KLB: variants seen among roughly 807,000 people sequenced by gnomAD.
KLB encodes the protein beta-klotho.
In KLB, 44 loss-of-function variants were observed where a neutral mutation model predicts 88.4. The observed-to-expected ratio is 0.50, with a 90% CI of 0.39 to 0.64. The LOEUF is 0.64. Ranked by LOEUF, KLB falls within the 30% of genes least tolerant of loss-of-function variation. KLB has a pLI of 0.00. For synonymous variants in KLB, 548 were observed against 513.4 expected (o/e 1.07, Z -0.91); for missense variants, 1,137 against 1,304.8 (o/e 0.87, Z 1.98).
At chr4:39,419,509 C>T (rs770332087) in intron 1 of KLB, among the ~76,000 whole-genome samples, 1 of 152,164 alleles carries the variant, frequency 6.6e-6, no homozygotes, top group Admixed American at 6.6e-5. Flanking sequence ...CACGGTGGCT[C>T]ACGCCTGTAA....
chr4:39,449,142 T>C lies in KLB; in HGVS notation c.*456T>C, dbSNP rs189298216. 6.9e-4 allele frequency: 106 copies of C among 153,544 alleles called. No individual in the cohort carries two copies. Among genetic ancestry groups the C allele is most frequent in the Non-Finnish European group, 4.5e-4 (31 of 68,974 alleles). 9.5% of individuals were successfully genotyped at this position (153,544 alleles called of 1,614,324 possible). Reference sequence around the variant, plus strand: ...GAGTTCGAGACCAGCCTGGCCAACATGGTGAAACCATGTCTCTACTAAAAA... The same window carrying C: ...GAGTTCGAGACCAGCCTGGCCAACACGGTGAAACCATGTCTCTACTAAAAA... On this transcript the variant is annotated 3_prime_UTR_variant, in exon 5 of 5. Transcript: ENST00000257408.
intron 1 of KLB, among the ~76,000 whole-genome samples, chr4:39,421,000 A>T (rs1743071524): frequency 6.6e-6 from 1 of 152,224 alleles, no homozygotes; most frequent in Non-Finnish European, 1.5e-5. Flanking sequence ...TGTACACATA[A>T]CATATACATA....
In KLB at chr4:39,447,026, T is replaced by C. The variant is rs566226497; in HGVS notation, c.2300T>C (p.Phe767Ser). 106 of 1,611,492 alleles carry C rather than the reference T, an allele frequency of 6.6e-5. 2 individuals are homozygous for C. In the South Asian group the frequency reaches 1.1e-3, roughly 17 times the overall value. Residue 767 changes from phenylalanine (F) to serine (S), a missense_variant, in exon 4 of 5, where the codon TTC becomes TCC. Phe to Ser is a radical substitution (Grantham distance 155). Transcript: ENST00000257408. ...HWRAAERFLQ[F>S]EIAWFAEPLF... ...AGGGCGGCCGAGCGCTTCCTGCAGT[T>C]CGAGATCGCCTGGTTCGCCGAGCCG...
intron 3 of KLB, among the ~76,000 whole-genome samples, chr4:39,444,638 C>T (rs547598489): frequency 2.6e-4 from 39 of 152,308 alleles, no homozygotes; most frequent in African/African-American, 9.1e-4. Context: ...AGGTTTTTAA[C>T]GTAAGACATT....
chr4:39,440,227 C>A (rs978919723), intron 3 of KLB, among the ~76,000 whole-genome samples: 2 of 151,688 alleles, frequency 1.3e-5, no homozygotes, highest in African/African-American at 4.8e-5. Flanking sequence ...TCACTGCAAC[C>A]TCTGCCTCCT....
intron 1 of KLB, among the ~76,000 whole-genome samples, chr4:39,430,915 GTT>G (rs76141581): frequency 1.3e-4 from 19 of 141,818 alleles, no homozygotes; most frequent in African/African-American, 4.2e-4. Flanking sequence ...CGGTTGGAAA[GTT>G]TTTTTTTTTT....
intron 1 of KLB, among the ~76,000 whole-genome samples, chr4:39,421,989 AC>A (rs952473537): frequency 6.6e-6 from 1 of 151,058 alleles, no homozygotes; most frequent in African/African-American, 2.4e-5. Flanking sequence ...CAAATGATCC[AC>A]CCCCTTCGGC....
intron 3 of KLB, among the ~76,000 whole-genome samples, chr4:39,440,329 G>C (rs1479706177): frequency 6.6e-6 from 1 of 151,270 alleles, no homozygotes; most frequent in East Asian, 2.0e-4. Context: ...ATTTTTAGTA[G>C]AGATGGGGTT....
Position 39,449,278 on chromosome 4 carries a change from G to C in KLB, c.*592G>C, listed in dbSNP as rs980376441. 1 of 143,600 alleles carries C rather than the reference G, an allele frequency of 7.0e-6. No individual in the cohort carries two copies. Among genetic ancestry groups the C allele is most frequent in the African/African-American group, 2.6e-5 (1 of 38,854 alleles). The allele number at this position is 143,600 out of a possible 1,614,324, so 8.9% of individuals were successfully genotyped here. ...ACAGGTTACAGTAGGCCAAAATTGC[G>C]CCACTGCACTCCAGCCTAGGCGACA... is the stretch of plus-strand genomic sequence containing the variant. On this transcript the variant is annotated 3_prime_UTR_variant, in exon 5 of 5. Transcript: ENST00000257408.
rs370815936 is a variant in KLB at position 39,451,224 on chromosome 4, G to C, written c.*2538G>C. On this transcript the variant is annotated 3_prime_UTR_variant, in exon 5 of 5. Coordinates refer to ENST00000257408, the MANE Select transcript of KLB (RefSeq NM_175737.4). ...GCAAATTAGGTTAAGCATTTAATCT[G>C]GCTCATGCTCTATCATACTAAATAT... is the stretch of plus-strand genomic sequence containing the variant. The C allele has an allele frequency of 2.5e-4, 38 of 152,250 alleles. No individual in the cohort carries two copies. Among genetic ancestry groups the C allele is most frequent in the African/African-American group, 8.2e-4 (34 of 41,540 alleles). 9.4% of individuals were successfully genotyped at this position (152,250 alleles called of 1,614,324 possible).
intron 1 of KLB, among the ~76,000 whole-genome samples, chr4:39,413,640 C>T (rs570340705): frequency 6.5e-4 from 99 of 151,946 alleles, no homozygotes; most frequent in African/African-American, 2.3e-3. Context: ...GGGAAGATCA[C>T]TTAAGCCCGG....
chr4:39,444,187 A>G (rs886927397), intron 3 of KLB, among the ~76,000 whole-genome samples: 2 of 152,178 alleles, frequency 1.3e-5, no homozygotes, highest in African/African-American at 4.8e-5. Flanking sequence ...CAAACAAAAC[A>G]TTCTTTCATG....
Position 39,434,510 on chromosome 4 carries a change from C to A in KLB, c.1126C>A (p.Pro376Thr). The A allele has an allele frequency of 6.2e-7, 1 of 1,614,126 alleles. No homozygotes were observed. Among genetic ancestry groups the A allele is most frequent in the Non-Finnish European group, 8.5e-7 (1 of 1,180,008 alleles). Reference sequence around the variant, plus strand: ...TGATTTCTTTGCCTTTTCTTTTGGACCCAACAACTTCAAGCCCCTAAACAC... The same window carrying A: ...TGATTTCTTTGCCTTTTCTTTTGGAACCAACAACTTCAAGCCCCTAAACAC... ...TADFFAFSFG[P>T]NNFKPLNTMA... is the part of the protein sequence containing the mutation. Residue 376 changes from proline to threonine, a missense_variant, in exon 2 of 5, where the codon CCC becomes ACC. Physicochemically the swap from Pro to Thr is conservative, Grantham distance 38. Around this residue, in one of 4 missense-constraint regions of KLB, gnomAD observed 597 missense variants for 765.2 expected, o/e 0.78. Transcript: ENST00000257408.
At chr4:39,410,614 C>T (rs149149623) in intron 1 of KLB, among the ~76,000 whole-genome samples, 1 of 152,146 alleles carries the variant, frequency 6.6e-6, no homozygotes, top group Non-Finnish European at 1.5e-5. Context: ...TTGACTTTCA[C>T]GTAGAAAACA....
At chr4:39,421,353 T>A (rs778786986) in intron 1 of KLB, among the ~76,000 whole-genome samples, 1 of 152,218 alleles carries the variant, frequency 6.6e-6, no homozygotes, top group African/African-American at 2.4e-5. Context: ...TATAACTTTG[T>A]GTAATGAACA....
Position 39,451,433 on chromosome 4 carries a change from C to A in KLB, c.*2747C>A, listed in dbSNP as rs1743897495. ...GAGAATCACAACTATATTTAAAGAGCCTCTGGAAAATGAGGCCAGTACAGT... is the reference window on the plus strand; with the variant it reads ...GAGAATCACAACTATATTTAAAGAGACTCTGGAAAATGAGGCCAGTACAGT... On this transcript the variant is annotated 3_prime_UTR_variant, in exon 5 of 5. Coordinates refer to ENST00000257408, the MANE Select transcript of KLB (RefSeq NM_175737.4). 6.6e-6 allele frequency: 1 copy of A among 152,190 alleles called. No homozygotes were observed. Among genetic ancestry groups the A allele is most frequent in the Admixed American group, 6.5e-5 (1 of 15,276 alleles). The allele number at this position is 152,190 out of a possible 1,614,324, so 9.4% of individuals were successfully genotyped here.
chr4:39,411,049 G>A (rs1439839212), intron 1 of KLB, among the ~76,000 whole-genome samples: 2 of 151,090 alleles, frequency 1.3e-5, no homozygotes, highest in East Asian at 3.9e-4. Flanking sequence ...CTAAGTTTTT[G>A]TTTTTGTTTT....
In KLB at chr4:39,450,911, T is replaced by C. The variant is rs1743879315; in HGVS notation, c.*2225T>C. ...AGGAATAACAAAAACCTGGAATTTA[T>C]CTTTCAGGTTTTGCTTTCTCTTTCT... On this transcript the variant is annotated 3_prime_UTR_variant, in exon 5 of 5. Coordinates refer to ENST00000257408, the MANE Select transcript of KLB (RefSeq NM_175737.4). 1 of 152,024 alleles carries C rather than the reference T, an allele frequency of 6.6e-6. No homozygotes were observed. Among genetic ancestry groups the C allele is most frequent in the Admixed American group, 6.5e-5 (1 of 15,272 alleles). The allele number at this position is 152,024 out of a possible 1,614,324, so 9.4% of individuals were successfully genotyped here.
intron 1 of KLB, among the ~76,000 whole-genome samples, chr4:39,413,272 A>G (rs905043578): frequency 1.3e-5 from 2 of 152,204 alleles, no homozygotes; most frequent in African/African-American, 4.8e-5. Context: ...CTATTTTTAA[A>G]TCAATAAATA....
Sources: gnomAD v4.1 joint callset for allele counts (sites outside exome capture counted in the v4.1 genomes callset) on GRCh38, gnomAD v4.1.1 for gene constraint, gnomAD v4.1.1 regional missense constraint, MANE v1.5 for transcripts, NCBI Gene and HGNC (gene_info 2026-07-23, HGNC 2026-07-21) for gene names.